Variants in KHDRBS2 observed in about 807,000 individuals in gnomAD.
KHDRBS2 encodes KH domain-containing, RNA-binding, signal transduction-associated protein 2.
KHDRBS2 carries 26 observed loss-of-function variants against 44.3 expected under a neutral mutation model. The observed-to-expected ratio is 0.59, with a 90% CI of 0.43 to 0.81. KHDRBS2 has a LOEUF of 0.81. Ranked by LOEUF, KHDRBS2 falls within the 40% of genes least tolerant of loss-of-function variation. KHDRBS2 has a pLI of 0.00. For synonymous variants in KHDRBS2, 194 were observed against 151.1 expected, an observed-to-expected ratio of 1.28 and a Z score of -2.08; for missense variants, 476 against 433.1, an observed-to-expected ratio of 1.10 and a Z score of -0.88.
At chr6:62,177,348 G>A (rs1437200464) in intron 1 of KHDRBS2, 36 bp from the exon 2 acceptor site, 1 of 1,517,048 alleles carries the variant, frequency 6.6e-7, no homozygotes, top group Admixed American at 1.9e-5. Flanking sequence ...CAAGTGAAAT[G>A]AGGAACAATG....
chr6:62,200,938 G>A (rs143607990), intron 1 of KHDRBS2, among the ~76,000 whole-genome samples: 12 of 151,992 alleles, frequency 7.9e-5, no homozygotes, highest in Non-Finnish European at 1.2e-4. Flanking sequence ...CTTTGTAGGG[G>A]CATGGATGAA....
At chr6:61,658,569 A>T in the KHDRBS2 span, among the ~76,000 whole-genome samples, 14 of 151,928 alleles carry the variant, frequency 9.2e-5, no homozygotes, top group Admixed American at 5.9e-4. Flanking sequence ...AGTACACCTC[A>T]AAATCACCTG....
the KHDRBS2 span, among the ~76,000 whole-genome samples, chr6:61,560,413 C>T: frequency 6.6e-6 from 1 of 152,134 alleles, no homozygotes; most frequent in Non-Finnish European, 1.5e-5. Context: ...TATCTCCCTA[C>T]CTTCTCCTTA....
the KHDRBS2 span, among the ~76,000 whole-genome samples, chr6:61,593,574 A>G: frequency 6.6e-6 from 1 of 151,968 alleles, no homozygotes; most frequent in Non-Finnish European, 1.5e-5. Context: ...TTTGCAAAAT[A>G]AATTTTAGTC....
the KHDRBS2 span, among the ~76,000 whole-genome samples, chr6:61,625,158 T>G: frequency 1.3e-5 from 2 of 151,868 alleles, no homozygotes; most frequent in Non-Finnish European, 2.9e-5. Flanking sequence ...GCAGCACTCC[T>G]AGTTTGAGAA....
rs528398174 is a variant in KHDRBS2, at chr6:62,038,078, C to T, written c.336+9800G>A. On this transcript the variant is annotated intron_variant, in intron 3 of 8. Coordinates refer to ENST00000281156, the MANE Select transcript of KHDRBS2 (RefSeq NM_152688.4). The stretch of plus-strand genomic sequence containing the variant: ...GCCACAATGGAACAACTCAGAGGCA[C>T]TATTCACATGAAATGCCTCGTGATC... 1.5e-4 allele frequency among the ~76,000 whole-genome samples: 23 copies of T among 152,122 alleles called. No homozygotes were observed. The South Asian group carries it at 2.7e-3, about 18-fold the overall frequency.
chr6:62,008,869 C>G (rs1779775727), intron 3 of KHDRBS2, among the ~76,000 whole-genome samples: 1 of 152,206 alleles, frequency 6.6e-6, no homozygotes, highest in South Asian at 2.1e-4. Context: ...CCACGTGGAA[C>G]TGTAAGTCCA....
rs566850338 is a variant in KHDRBS2 at position 61,979,724 on chromosome 6, G to A, written c.337-1512C>T. ...TTCTTAGTGCCCAATTATCAGTTTG[G>A]GGAGGAGAGGCAACACTACACTGAA... On this transcript the variant is annotated intron_variant, in intron 3 of 8. Transcript: ENST00000281156. Among the ~76,000 whole-genome samples the A allele has an allele frequency of 3.4e-3, 519 of 152,122 alleles. 4 individuals carry two copies. Among genetic ancestry groups the A allele is most frequent in the Non-Finnish European group, 4.1e-3 (281 of 67,976 alleles).
At chr6:62,062,021 C>A (rs1290958545) in intron 2 of KHDRBS2, among the ~76,000 whole-genome samples, 1 of 151,700 alleles carries the variant, frequency 6.6e-6, no homozygotes, top group Non-Finnish European at 1.5e-5. Flanking sequence ...GTTTTCAGCT[C>A]CATCAAAGAA....
chr6:62,224,391 C>A (rs780665493), intron 1 of KHDRBS2, among the ~76,000 whole-genome samples: 1 of 152,048 alleles, frequency 6.6e-6, no homozygotes, highest in Non-Finnish European at 1.5e-5. Flanking sequence ...GGGGACACAG[C>A]CAAACCATAT....
At chr6:61,916,112 T>C (rs1325616636) in intron 4 of KHDRBS2, among the ~76,000 whole-genome samples, 2 of 152,108 alleles carry the variant, frequency 1.3e-5, no homozygotes, top group African/African-American at 4.8e-5. Context: ...TTAATTCTCC[T>C]GATGCCTGCA....
Position 61,799,536 on chromosome 6 carries a change from C to A in KHDRBS2, c.811-66772G>T, listed in dbSNP as rs188435255. On this transcript the variant is annotated intron_variant, in intron 6 of 8. Transcript: ENST00000281156. ...CAAAATATTTTCAAACACATAATCACAGATCTTCCCCTTTTGGAAAATTAC... is the reference window on the plus strand; with the variant it reads ...CAAAATATTTTCAAACACATAATCAAAGATCTTCCCCTTTTGGAAAATTAC... 2.6e-5 allele frequency among the ~76,000 whole-genome samples: 4 copies of A among 152,050 alleles called. No individual in the cohort carries two copies. The East Asian group carries it at 7.7e-4, about 29-fold the overall frequency.
chr6:62,255,605 AACACACACACACACACACACACACAC>A (rs60498757), intron 1 of KHDRBS2, among the ~76,000 whole-genome samples: 1 of 137,424 alleles, frequency 7.3e-6, no homozygotes, highest in African/African-American at 2.8e-5. Flanking sequence ...CATGCTTTAA[AACACACACACACACACACACACACAC>A]ACACACACAC....
At chr6:61,625,054 G>T in the KHDRBS2 span, among the ~76,000 whole-genome samples, 1 of 152,038 alleles carries the variant, frequency 6.6e-6, no homozygotes, top group Admixed American at 6.6e-5. Flanking sequence ...TGCTTTTACC[G>T]TAAGGGGAGA....
In KHDRBS2 at chr6:61,721,285, C is replaced by T. The variant is rs1159441146; in HGVS notation, c.893+11397G>A. On this transcript the variant is annotated intron_variant, in intron 7 of 8. Transcript: ENST00000281156. Reference sequence around the variant, plus strand: ...GGGCTCTTTTTTGGTTCCATATGAACTTTAAAGTAGTTTTTTCCAATTCTG... The same window carrying T: ...GGGCTCTTTTTTGGTTCCATATGAATTTTAAAGTAGTTTTTTCCAATTCTG... Among the ~76,000 whole-genome samples, 7 of 152,038 alleles carry T rather than the reference C, an allele frequency of 4.6e-5. No homozygotes were observed. In the East Asian group the frequency reaches 1.4e-3, roughly 29 times the overall value.
rs74438548 is a variant in KHDRBS2 at position 61,915,574 on chromosome 6, T to C, written c.484-14203A>G. The stretch of plus-strand genomic sequence containing the variant: ...TGTGGCCGAATGCCTATTTATATAA[T>C]AATTTATTCATAAAACTCCTACTCA... On this transcript the variant is annotated intron_variant, in intron 4 of 8. Coordinates refer to ENST00000281156, the MANE Select transcript of KHDRBS2 (RefSeq NM_152688.4). Among the ~76,000 whole-genome samples, 427 of 152,126 alleles carry C rather than the reference T, an allele frequency of 2.8e-3. 3 individuals are homozygous for C. The highest frequency in any genetic ancestry group is 9.9e-3 in the African/African-American group (413 of 41,536).
chr6:61,774,963 C>T (rs9766242), intron 6 of KHDRBS2, among the ~76,000 whole-genome samples: 4,316 of 152,108 alleles, frequency 0.028, 221 homozygotes, highest in African/African-American at 0.1. Flanking sequence ...GGGCTTCAAC[C>T]CCGGGATGCA....
chr6:61,584,666 A>G, the KHDRBS2 span, among the ~76,000 whole-genome samples: 1 of 151,838 alleles, frequency 6.6e-6, no homozygotes, highest in Non-Finnish European at 1.5e-5. Context: ...GAGATTCAAG[A>G]TCATTAGAAT....
At chr6:61,903,469 G>T (rs1286021549) in intron 4 of KHDRBS2, among the ~76,000 whole-genome samples, 1 of 152,146 alleles carries the variant, frequency 6.6e-6, no homozygotes, top group Non-Finnish European at 1.5e-5. Context: ...TAAGAATGTA[G>T]ATATGATCTT....
Sources: gnomAD v4.1 joint callset for allele counts (sites outside exome capture counted in the v4.1 genomes callset) on GRCh38, gnomAD v4.1.1 for gene constraint, MANE v1.5 for transcripts, NCBI Gene and HGNC (gene_info 2026-07-23, HGNC 2026-07-21) for gene names.